Variants in FIG4 observed in about 807,000 individuals in gnomAD.
The protein encoded by FIG4 is polyphosphoinositide phosphatase.
FIG4 carries 112 observed loss-of-function variants against 118.6 expected under a neutral mutation model. The ratio of observed to expected loss-of-function variants is 0.94; its 90% CI spans 0.81 to 1.11. The LOEUF is 1.11. Ranked by LOEUF, FIG4 falls within the 50% of genes least tolerant of loss-of-function variation. FIG4 has a pLI of 0.00. For synonymous variants in FIG4, 369 were observed against 381.2 expected (o/e 0.97, Z 0.37); for missense variants, 969 against 1,111.7 (o/e 0.87, Z 1.83).
chr6:109,701,457 A>G (rs1269868425), intron 1 of FIG4, among the ~76,000 whole-genome samples: 1 of 152,260 alleles, frequency 6.6e-6, no homozygotes, highest in Non-Finnish European at 1.5e-5. Context: ...TAGGGACCTT[A>G]GCATCACAAT....
intron 22 of FIG4, among the ~76,000 whole-genome samples, chr6:109,819,811 A>G (rs1442342853): frequency 6.6e-6 from 1 of 152,198 alleles, no homozygotes; most frequent in South Asian, 2.1e-4. Flanking sequence ...CTCAGGCACT[A>G]TGCTATACAT....
At chr6:109,760,756 G>A (rs943819254) in intron 11 of FIG4, among the ~76,000 whole-genome samples, 7 of 152,106 alleles carry the variant, frequency 4.6e-5, no homozygotes, top group African/African-American at 1.7e-4. Flanking sequence ...ACTCCTTAGT[G>A]TAATGTCAAA....
intron 7 of FIG4, among the ~76,000 whole-genome samples, chr6:109,740,517 C>T (rs1776291441): frequency 6.6e-6 from 1 of 152,092 alleles, no homozygotes; most frequent in Admixed American, 6.6e-5. Context: ...GAAGATGAGA[C>T]TTGGCTCAGA....
chr6:109,751,816 T>A (rs1471890568), intron 10 of FIG4, among the ~76,000 whole-genome samples: 1 of 151,618 alleles, frequency 6.6e-6, no homozygotes, highest in Non-Finnish European at 1.5e-5. Context: ...TTTTTCTTTT[T>A]TTTTTAAGTA....
intron 22 of FIG4, among the ~76,000 whole-genome samples, chr6:109,810,117 G>A (rs1376706814): frequency 6.6e-6 from 1 of 152,164 alleles, no homozygotes; most frequent in East Asian, 1.9e-4. Flanking sequence ...CAAATGGCCA[G>A]GATTGGGTCA....
intron 22 of FIG4, among the ~76,000 whole-genome samples, chr6:109,818,077 C>G (rs1342289461): frequency 6.6e-6 from 1 of 152,228 alleles, no homozygotes; most frequent in African/African-American, 2.4e-5. Context: ...GCTGCTGGCT[C>G]CAAAACCAGC....
At chr6:109,701,851 A>C (rs1009440043) in intron 1 of FIG4, 2 of 430,158 alleles carry the variant, frequency 4.6e-6, no homozygotes, top group Admixed American at 2.8e-5. Flanking sequence ...AGAGAGAAAC[A>C]TAGCGATTAT....
intron 8 of FIG4, among the ~76,000 whole-genome samples, chr6:109,742,410 CAATA>C (rs1776353204): frequency 6.6e-6 from 1 of 152,014 alleles, no homozygotes; most frequent in Non-Finnish European, 1.5e-5. Context: ...TCTCTGTTTG[CAATA>C]GACAACTTGA....
Position 109,716,461 on chromosome 6 carries a change from A to G in FIG4, c.182A>G (p.Gln61Arg), listed in dbSNP as rs1775433375. 6.2e-7 allele frequency: 1 copy of G among 1,613,792 alleles called. No homozygotes were observed. Among genetic ancestry groups the G allele is most frequent in the Non-Finnish European group, 8.5e-7 (1 of 1,179,724 alleles). Reference protein sequence around the residue: ...IIDDRHVYTQQEVRELLGRLD... With the variant: ...IIDDRHVYTQREVRELLGRLD... The stretch of plus-strand genomic sequence containing the variant: ...TATTCTTAGCATGTCTATACTCAAC[A>G]AGAAGTAAGGGAACTTCTTGGCCGC... Residue 61 changes from glutamine (Q) to arginine (R), a missense_variant, in exon 3 of 23, where the codon CAA (glutamine) becomes CGA (arginine). Coordinates refer to ENST00000230124, the MANE Select transcript of FIG4 (RefSeq NM_014845.6).
At chr6:109,790,709 T>C (rs994721160) in intron 19 of FIG4, among the ~76,000 whole-genome samples, 3 of 152,210 alleles carry the variant, frequency 2.0e-5, no homozygotes, top group Non-Finnish European at 2.9e-5. Flanking sequence ...AAGCAAAAAG[T>C]ATTACTATAA....
intron 14 of FIG4, among the ~76,000 whole-genome samples, chr6:109,765,722 A>G (rs1022263717): frequency 6.6e-6 from 1 of 152,216 alleles, no homozygotes. Flanking sequence ...TAAAAATCTA[A>G]GATGTATAAA....
chr6:109,816,873 C>T (rs925330933), intron 22 of FIG4, among the ~76,000 whole-genome samples: 6 of 152,220 alleles, frequency 3.9e-5, no homozygotes, highest in African/African-American at 7.2e-5. Context: ...CTAAGTAGGG[C>T]GTCATCACCT....
chr6:109,752,500 G>C (rs1017340060), intron 10 of FIG4, among the ~76,000 whole-genome samples: 4 of 151,988 alleles, frequency 2.6e-5, no homozygotes, highest in Non-Finnish European at 5.9e-5. Flanking sequence ...TCCAGTACCT[G>C]TTGTTTCCTG....
chr6:109,813,174 T>C (rs755094153), intron 22 of FIG4, among the ~76,000 whole-genome samples: 1 of 152,186 alleles, frequency 6.6e-6, no homozygotes, highest in Non-Finnish European at 1.5e-5. Context: ...CAAGCTTATC[T>C]AAAAGTTACC....
At chr6:109,713,839 C>T (rs971046329) in intron 1 of FIG4, among the ~76,000 whole-genome samples, 2 of 152,086 alleles carry the variant, frequency 1.3e-5, no homozygotes, top group African/African-American at 4.8e-5. Flanking sequence ...TGATGCAGGC[C>T]CCCAGGACAC....
At chr6:109,720,529 T>G (rs1775575061) in intron 3 of FIG4, among the ~76,000 whole-genome samples, 1 of 152,160 alleles carries the variant, frequency 6.6e-6, no homozygotes, top group Non-Finnish European at 1.5e-5. Context: ...AAGGACCATT[T>G]TTCTCCCCCT....
At chr6:109,732,802 G>T in intron 5 of FIG4, 115 bp downstream of exon 5, 2 of 644,800 alleles carry the variant, frequency 3.1e-6, no homozygotes, top group Non-Finnish European at 5.5e-6. Context: ...TAGTCAACTT[G>T]TTTTATCTAA....
chr6:109,708,206 C>G (rs1460741488), intron 1 of FIG4, among the ~76,000 whole-genome samples: 2 of 152,126 alleles, frequency 1.3e-5, no homozygotes, highest in Non-Finnish European at 2.9e-5. Flanking sequence ...GTTCTCATCC[C>G]ACTTGTAAGT....
At chr6:109,744,598 C>T (rs1776425364) in intron 10 of FIG4, among the ~76,000 whole-genome samples, 1 of 151,696 alleles carries the variant, frequency 6.6e-6, no homozygotes, top group East Asian at 1.9e-4. Context: ...ACCAAGGAAG[C>T]CTGTGACCCT....
Sources: gnomAD v4.1 joint callset for allele counts (sites outside exome capture counted in the v4.1 genomes callset) on GRCh38, gnomAD v4.1.1 for gene constraint, MANE v1.5 for transcripts, NCBI Gene and HGNC (gene_info 2026-07-23, HGNC 2026-07-21) for gene names.